ZUP1: variants seen among roughly 807,000 people sequenced by gnomAD.
The protein encoded by ZUP1 is zinc finger containing ubiquitin peptidase 1.
ZUP1 carries 55 observed loss-of-function variants against 68.1 expected under a neutral mutation model. The ratio of observed to expected loss-of-function variants is 0.81; its 90% CI spans 0.65 to 1.01. The LOEUF is 1.01. Among genes scored for constraint, ZUP1 ranks in the 50% least tolerant of loss-of-function variants. The pLI is 0.00. For synonymous variants in ZUP1, 223 were observed against 221.5 expected (o/e 1.01, Z -0.06); for missense variants, 684 against 674.9 (o/e 1.01, Z -0.15).
At chr6:116,637,678 C>T (rs1211812813) in intron 9 of ZUP1, among the ~76,000 whole-genome samples, 2 of 152,164 alleles carry the variant, frequency 1.3e-5, no homozygotes, top group Non-Finnish European at 2.9e-5. Context: ...CCTATGCTCT[C>T]GAATGTGTAC....
At chr6:116,660,876 TA>T (rs1776815759) in intron 2 of ZUP1, 30 bp from the exon 3 acceptor site, 3 of 1,258,174 alleles carry the variant, frequency 2.4e-6, no homozygotes, top group Non-Finnish European at 3.3e-6. Context: ...AAGTTGTTTT[TA>T]TTTTTTTATT....
intron 5 of ZUP1, 107 bp downstream of exon 5, chr6:116,656,575 AAT>A (rs1491088383): frequency 1.1e-5 from 9 of 845,802 alleles, no homozygotes; most frequent in Admixed American, 6.8e-5. Flanking sequence ...TTTTTAAAAA[AAT>A]ATTTGTGCAC....
chr6:116,639,130 G>A (rs922863387), intron 9 of ZUP1, among the ~76,000 whole-genome samples: 7 of 152,216 alleles, frequency 4.6e-5, no homozygotes, highest in African/African-American at 1.7e-4. Context: ...CAGCAAGGCT[G>A]CGGGAGGGGT....
At chr6:116,665,165 C>T (rs1389996305) in intron 2 of ZUP1, among the ~76,000 whole-genome samples, 1 of 151,770 alleles carries the variant, frequency 6.6e-6, no homozygotes, top group African/African-American at 2.4e-5. Context: ...TTGAAAAATG[C>T]ATGTAACTCA....
Position 116,645,705 on chromosome 6 carries a change from G to A in ZUP1, c.1689+9C>T. 1 of 1,569,256 alleles carries A rather than the reference G, an allele frequency of 6.4e-7. No individual in the cohort carries two copies. The highest frequency in any genetic ancestry group is 8.7e-7 in the Non-Finnish European group (1 of 1,153,974). On this transcript the variant is annotated intron_variant, in intron 9 of 9. Coordinates refer to ENST00000368576, the MANE Select transcript of ZUP1 (RefSeq NM_145062.3). ...TTCAAACTTCACATATAAATATTTA[G>A]ATACTTACAAGTTTCTCCTCTAGAG...
intron 9 of ZUP1, among the ~76,000 whole-genome samples, chr6:116,642,832 G>A (rs1203219532): frequency 6.6e-6 from 1 of 152,094 alleles, no homozygotes; most frequent in Non-Finnish European, 1.5e-5. Context: ...GGAAGTTCTG[G>A]CCAGGGCAAT....
chr6:116,660,867 A>C lies in ZUP1; in HGVS notation c.560-21T>G, dbSNP rs1343996784. 2.3e-6 allele frequency: 3 copies of C among 1,313,822 alleles called. No individual in the cohort carries two copies. The African/African-American group carries it at 4.6e-5, about 20-fold the overall frequency. The allele number at this position is 1,313,822 out of a possible 1,614,324, so 81.4% of individuals were successfully genotyped here. On this transcript the variant is annotated intron_variant, in intron 2 of 9. Coordinates refer to ENST00000368576, the MANE Select transcript of ZUP1 (RefSeq NM_145062.3). ...ACAGTCTGTATCAGAGATATAATTAAGTTGTTTTTATTTTTTTATTTTAAT... is the reference window on the plus strand; with the variant it reads ...ACAGTCTGTATCAGAGATATAATTACGTTGTTTTTATTTTTTTATTTTAAT...
rs770183211 is a variant in ZUP1, at chr6:116,645,713, C to A, written c.1689+1G>T. Reference sequence around the variant, plus strand: ...TCACATATAAATATTTAGATACTTACAAGTTTCTCCTCTAGAGAAAGAGCA... The same window carrying A: ...TCACATATAAATATTTAGATACTTAAAAGTTTCTCCTCTAGAGAAAGAGCA... On this transcript the variant is annotated splice_donor_variant, in intron 9 of 9. Transcript: ENST00000368576. LOFTEE classifies it high-confidence loss of function. 34 of 1,587,010 alleles carry A rather than the reference C, an allele frequency of 2.1e-5. No homozygotes were observed. In the African/African-American group the frequency reaches 3.0e-4, roughly 14 times the overall value.
At chr6:116,653,598 A>G (rs1026721221) in intron 5 of ZUP1, among the ~76,000 whole-genome samples, 1 of 152,074 alleles carries the variant, frequency 6.6e-6, no homozygotes, top group Non-Finnish European at 1.5e-5. Flanking sequence ...ACTTGAATTC[A>G]AGAAAAACAA....
At chr6:116,663,368 T>C (rs996980921) in intron 2 of ZUP1, among the ~76,000 whole-genome samples, 1 of 152,230 alleles carries the variant, frequency 6.6e-6, no homozygotes, top group Non-Finnish European at 1.5e-5. Flanking sequence ...TAACTGAACA[T>C]TGGTTAAATC....
At chr6:116,663,267 T>G (rs1044301881) in intron 2 of ZUP1, among the ~76,000 whole-genome samples, 2 of 152,222 alleles carry the variant, frequency 1.3e-5, no homozygotes. Flanking sequence ...CTCATGTTTT[T>G]CTTTACTTTC....
intron 9 of ZUP1, among the ~76,000 whole-genome samples, chr6:116,640,063 T>A (rs1776041874): frequency 6.6e-6 from 1 of 152,168 alleles, no homozygotes; most frequent in Non-Finnish European, 1.5e-5. Flanking sequence ...GGAGCCAATG[T>A]GATCAGCTGG....
chr6:116,635,968 G>T, intron 9 of ZUP1, 89 bp from the exon 10 acceptor site: 32 of 885,206 alleles, frequency 3.6e-5, no homozygotes, highest in Middle Eastern at 7.5e-4. Flanking sequence ...AATAAAATCT[G>T]GAATTTTTTT....
intron 7 of ZUP1, 78 bp downstream of exon 7, chr6:116,651,494 T>G (rs1368203033): frequency 3.1e-6 from 4 of 1,295,032 alleles, no homozygotes; most frequent in Non-Finnish European, 4.2e-6. Context: ...AAACTATCTC[T>G]TTGCTAAAAA....
At chr6:116,656,974 G>T in intron 4 of ZUP1, 122 bp from the exon 5 acceptor site, 1 of 601,334 alleles carries the variant, frequency 1.7e-6, no homozygotes, top group Non-Finnish European at 2.6e-6. Flanking sequence ...CTTTATACAA[G>T]TTAACTTAAA....
intron 2 of ZUP1, among the ~76,000 whole-genome samples, chr6:116,665,178 T>G (rs1469811806): frequency 2.0e-5 from 3 of 151,980 alleles, no homozygotes; most frequent in Non-Finnish European, 2.9e-5. Context: ...GTAACTCAAG[T>G]GTACAAAAAA....
chr6:116,660,707 TA>T (rs1776808262), intron 3 of ZUP1, 28 bp downstream of exon 3: 1 of 1,276,252 alleles, frequency 7.8e-7, no homozygotes, highest in South Asian at 1.3e-5. Flanking sequence ...AATTAAATGA[TA>T]TTTTTATCTT....
At chr6:116,658,106 AAAC>A (rs781081260) in intron 4 of ZUP1, among the ~76,000 whole-genome samples, 3 of 152,122 alleles carry the variant, frequency 2.0e-5, no homozygotes, top group African/African-American at 2.4e-5. Flanking sequence ...ACAAACAAAC[AAAC>A]AACAACAACA....
At chr6:116,645,556 C>T (rs1248629597) in intron 9 of ZUP1, among the ~76,000 whole-genome samples, 158 bp downstream of exon 9, 1 of 138,390 alleles carries the variant, frequency 7.2e-6, no homozygotes, top group East Asian at 2.1e-4. Flanking sequence ...GCACTCAGGC[C>T]TGGTCAACAG....
Sources: allele counts gnomAD v4.1 joint callset (sites outside exome capture counted in the v4.1 genomes callset), GRCh38; gene constraint gnomAD v4.1.1; transcripts MANE v1.5; gene names NCBI Gene and HGNC (gene_info 2026-07-23, HGNC 2026-07-21).